ITK: variants seen among roughly 807,000 people sequenced by gnomAD.
ITK encodes tyrosine-protein kinase ITK/TSK.
A neutral mutation model predicts 87.6 loss-of-function variants in ITK; 45 were observed. That is an observed-to-expected ratio of 0.51 (90% confidence interval 0.40 to 0.66). The LOEUF (loss-of-function observed/expected upper bound fraction) is 0.66, where lower values mean the gene tolerates loss of function less well. ITK is among the 30% of genes least tolerant of loss of function. The pLI, the probability that ITK is intolerant of heterozygous loss-of-function variation, is 0.00. For missense variants in ITK, 605 were observed against 766.3 expected, an observed-to-expected ratio of 0.79 and a Z score of 2.48; for synonymous variants, 303 against 273.6, an observed-to-expected ratio of 1.11 and a Z score of -1.06.
At chr5:157,203,070 C>A (rs565493477) in intron 1 of ITK, among the ~76,000 whole-genome samples, 1 of 152,278 alleles carries the variant, frequency 6.6e-6, no homozygotes, top group South Asian at 2.1e-4. Flanking sequence ...GGCTCCTGTT[C>A]GACTTTTTGG....
intron 2 of ITK, among the ~76,000 whole-genome samples, chr5:157,209,224 C>T (rs189878775): frequency 2.0e-5 from 3 of 151,616 alleles, no homozygotes; most frequent in African/African-American, 7.3e-5. Context: ...CCCAGCTACT[C>T]GGGAGGCTGA....
At chr5:157,241,551 T>C in intron 10 of ITK, 95 bp from the exon 11 acceptor site, 1 of 864,856 alleles carries the variant, frequency 1.2e-6, no homozygotes, top group Non-Finnish European at 2.0e-6. Flanking sequence ...AGCTTTTGCG[T>C]CTGATGATGA....
chr5:157,211,271 G>C lies in ITK; in HGVS notation c.244-16G>C, dbSNP rs771727408. The stretch of plus-strand genomic sequence containing the variant: ...ATGCACGCTGCTCACCTTGAACTCT[G>C]TGTGTGTGTCTCCAGGTGGTGCATG... On this transcript the variant is annotated splice_polypyrimidine_tract_variant and intron_variant, in intron 2 of 16. Coordinates refer to ENST00000422843, the MANE Select transcript of ITK (RefSeq NM_005546.4). 2 of 1,601,484 alleles carry C rather than the reference G, an allele frequency of 1.2e-6. No homozygotes were observed. Among genetic ancestry groups the C allele is most frequent in the South Asian group, 1.1e-5 (1 of 90,812 alleles).
rs1491125187 is a variant in ITK at position 157,233,964 on chromosome 5, T to TATATATATATATATATA, written c.768+1570_768+1571insATATATATATATATATA. Among the ~76,000 whole-genome samples, 83 of 16,828 alleles carry TATATATATATATATATA rather than the reference T, an allele frequency of 4.9e-3. 1 individual carries two copies. Among genetic ancestry groups the TATATATATATATATATA allele is most frequent in the Middle Eastern group, 0.05 (1 of 20 alleles). 11.0% of individuals were successfully genotyped at this position (16,828 alleles called of 152,430 possible). A position where few individuals can be genotyped will look rare whatever the true frequency, so the allele number is the denominator to read the frequency against. On this transcript the variant is annotated intron_variant, in intron 8 of 16. Transcript: ENST00000422843. ...ATATATATATATATATATATATATA[T>TATATATATATATATATA]TTTTTTTTTTTTTTTTTTTTTTTTT...
intron 16 of ITK, among the ~76,000 whole-genome samples, chr5:157,249,529 G>A (rs1035336169): frequency 3.9e-5 from 6 of 152,218 alleles, no homozygotes; most frequent in Non-Finnish European, 8.8e-5. Context: ...CCATCACTAT[G>A]AGTCTTAGTC....
At chr5:157,230,884 T>C (rs187257140) in intron 7 of ITK, among the ~76,000 whole-genome samples, 13 of 152,342 alleles carry the variant, frequency 8.5e-5, no homozygotes, top group Admixed American at 7.2e-4. Flanking sequence ...CACTATACCA[T>C]GCAAACAAAA....
At chr5:157,181,427 A>G (rs971743122) in intron 1 of ITK, among the ~76,000 whole-genome samples, 6 of 152,340 alleles carry the variant, frequency 3.9e-5, no homozygotes, top group African/African-American at 1.4e-4. Context: ...ATGATTCGAT[A>G]AAACTTGAAC....
rs550882682 is a variant in ITK, at chr5:157,240,473, G to C, written c.985+278G>C. On this transcript the variant is annotated intron_variant, in intron 10 of 16. Transcript: ENST00000422843. ...ACTGTCTTCCACAAAGCCGATCCCT[G>C]GTGCCAAAAAGGTTGGGGACTGCTG... 2.8e-5 allele frequency: 14 copies of C among 493,150 alleles called. No individual in the cohort carries two copies. The East Asian group carries it at 4.9e-4, about 17-fold the overall frequency. The allele number at this position is 493,150 out of a possible 1,614,324, so 30.5% of individuals were successfully genotyped here. A position where few individuals can be genotyped will look rare whatever the true frequency, so the allele number is the denominator to read the frequency against.
At chr5:157,195,456 A>C (rs1580877470) in intron 1 of ITK, 1 of 152,204 alleles carries the variant, frequency 6.6e-6, no homozygotes, top group South Asian at 2.1e-4. Flanking sequence ...CCTTAAAGAG[A>C]TAATACATTC....
intron 6 of ITK, among the ~76,000 whole-genome samples, chr5:157,227,822 CTTTTTTTTT>C (rs34428784): frequency 4.7e-5 from 4 of 84,848 alleles, no homozygotes; most frequent in East Asian, 2.9e-4. Context: ...TTACCAATTC[CTTTTTTTTT>C]TTTTTTTTTT....
In ITK at chr5:157,254,600, T is replaced by C. The variant is rs1451166532; in HGVS notation, c.*1922T>C. ...ATTTTTAATTATAATTATTGTGAAG[T>C]GGAGAGCCTCAAGATAAAACTCTGT... On this transcript the variant is annotated 3_prime_UTR_variant, in exon 17 of 17. Coordinates refer to ENST00000422843, the MANE Select transcript of ITK (RefSeq NM_005546.4). 1 of 218,656 alleles carries C rather than the reference T, an allele frequency of 4.6e-6. No homozygotes were observed. The highest frequency in any genetic ancestry group is 1.8e-4 in the South Asian group (1 of 5,416). The allele number at this position is 218,656 out of a possible 1,614,324, so 13.5% of individuals were successfully genotyped here. A position where few individuals can be genotyped will look rare whatever the true frequency, so the allele number is the denominator to read the frequency against.
intron 1 of ITK, among the ~76,000 whole-genome samples, chr5:157,204,298 T>C (rs1433539058): frequency 1.3e-5 from 2 of 152,186 alleles, no homozygotes; most frequent in Non-Finnish European, 2.9e-5. Context: ...TGTTGGCTCA[T>C]GCCTGTAATC....
intron 4 of ITK, among the ~76,000 whole-genome samples, chr5:157,214,704 A>G (rs562781380): frequency 1.4e-4 from 22 of 152,188 alleles, no homozygotes; most frequent in Non-Finnish European, 2.9e-4. Flanking sequence ...GGCATGGTCT[A>G]TTTAAATCTT....
chr5:157,245,801 G>C lies in ITK; in HGVS notation c.1514+11G>C, dbSNP rs755534838. ...CTTTGGGATGACAAGGTAAAAGAGG[G>C]ATGTGGTGCCGGTGAAGTCTCAGGA... On this transcript the variant is annotated intron_variant, in intron 14 of 16. Transcript: ENST00000422843. 4 of 1,613,894 alleles carry C rather than the reference G, an allele frequency of 2.5e-6. No homozygotes were observed. The Admixed American group carries it at 6.7e-5, about 27-fold the overall frequency.
chr5:157,243,178 C>T (rs1310239403), intron 11 of ITK, among the ~76,000 whole-genome samples: 1 of 152,190 alleles, frequency 6.6e-6, no homozygotes, highest in Non-Finnish European at 1.5e-5. Context: ...GCTTGTGCCT[C>T]TGCACAAATT....
chr5:157,210,069 G>C (rs1431599785), intron 2 of ITK, among the ~76,000 whole-genome samples: 2 of 152,092 alleles, frequency 1.3e-5, no homozygotes, highest in Non-Finnish European at 2.9e-5. Context: ...GGGACTACGG[G>C]CGTGTGCCAA....
Position 157,182,006 on chromosome 5 carries a change from C to T in ITK, c.138+891C>T, listed in dbSNP as rs76828833. ...TACCTCCTGTTTCAGGTTCTTTCTT[C>T]ATAAAATGAAAAAACTGGAAATAAC... On this transcript the variant is annotated intron_variant, in intron 1 of 16. Coordinates refer to ENST00000422843, the MANE Select transcript of ITK (RefSeq NM_005546.4). Among the ~76,000 whole-genome samples the T allele has an allele frequency of 1.3e-4, 20 of 152,280 alleles. No homozygotes were observed. The East Asian group carries it at 3.5e-3, about 26-fold the overall frequency.
At chr5:157,241,611 C>CT (rs1368158555) in intron 10 of ITK, 35 bp from the exon 11 acceptor site, 41 of 1,514,386 alleles carry the variant, frequency 2.7e-5, no homozygotes, top group Non-Finnish European at 3.7e-5. Context: ...GAGCAAAGCC[C>CT]TAACCACTGC....
At chr5:157,220,174 C>T (rs1202342765) in intron 5 of ITK, among the ~76,000 whole-genome samples, 1 of 152,170 alleles carries the variant, frequency 6.6e-6, no homozygotes, top group Non-Finnish European at 1.5e-5. Context: ...ACACTGTGAG[C>T]AGGGCCAGTC....
Sources: allele counts gnomAD v4.1 joint callset (sites outside exome capture counted in the v4.1 genomes callset), GRCh38; gene constraint gnomAD v4.1.1; transcripts MANE v1.5; gene names NCBI Gene and HGNC (gene_info 2026-07-23, HGNC 2026-07-21).